UNC5D: variants seen among roughly 807,000 people sequenced by gnomAD.
The protein encoded by UNC5D is unc-5 netrin receptor D, also known as netrin receptor UNC5D.
In UNC5D, 39 loss-of-function variants were observed where a neutral mutation model predicts 105.4. The observed-to-expected ratio is 0.37, with a 90% CI of 0.29 to 0.48. The LOEUF (loss-of-function observed/expected upper bound fraction) is 0.48, where lower values mean the gene tolerates loss of function less well. Among genes scored for constraint, UNC5D ranks in the 20% least tolerant of loss-of-function variants. UNC5D has a pLI of 0.98. For synonymous variants in UNC5D, 452 were observed against 450.4 expected, an observed-to-expected ratio of 1.00 and a Z score of -0.04; for missense variants, 991 against 1,202.4, an observed-to-expected ratio of 0.82 and a Z score of 2.60.
intron 1 of UNC5D, among the ~76,000 whole-genome samples, chr8:35,453,035 G>A (rs1382815551): frequency 6.6e-6 from 1 of 152,174 alleles, no homozygotes; most frequent in Non-Finnish European, 1.5e-5. Flanking sequence ...CATTTGTCCT[G>A]CAGGCTTCTA....
Position 35,444,720 on chromosome 8 carries a change from C to T in UNC5D, c.104-104572C>T, listed in dbSNP as rs577797417. ...TCCACTGTCCACCCTGAATTGAAGA[C>T]TCTTTGACTCCTAGGTTTCTATTAT... On this transcript the variant is annotated intron_variant, in intron 1 of 16. Transcript: ENST00000404895. Among the ~76,000 whole-genome samples the T allele has an allele frequency of 2.4e-4, 36 of 152,096 alleles. No individual in the cohort carries two copies. The South Asian group carries it at 6.8e-3, about 29-fold the overall frequency.
At chr8:35,248,751 A>G (rs1220710425) in intron 1 of UNC5D, among the ~76,000 whole-genome samples, 1 of 98,940 alleles carries the variant, frequency 1.0e-5, no homozygotes, top group African/African-American at 4.3e-5. Context: ...TATAAAATAT[A>G]TAAATATATA....
intron 1 of UNC5D, among the ~76,000 whole-genome samples, chr8:35,435,647 A>G (rs1321496054): frequency 6.6e-6 from 1 of 152,156 alleles, no homozygotes; most frequent in African/African-American, 2.4e-5. Context: ...ATAACTCATA[A>G]GGGCCAAAGA....
intron 4 of UNC5D, among the ~76,000 whole-genome samples, chr8:35,615,740 T>G (rs1202008458): frequency 6.6e-6 from 1 of 152,186 alleles, no homozygotes; most frequent in Non-Finnish European, 1.5e-5. Flanking sequence ...GGATAGGAAA[T>G]GCACAGTATA....
intron 1 of UNC5D, among the ~76,000 whole-genome samples, chr8:35,490,913 T>C (rs1347754695): frequency 6.6e-6 from 1 of 152,176 alleles, no homozygotes; most frequent in Non-Finnish European, 1.5e-5. Context: ...TCTGGTCTTT[T>C]CTTTTTTTCA....
chr8:35,437,769 G>A (rs990920816), intron 1 of UNC5D, among the ~76,000 whole-genome samples: 10 of 151,930 alleles, frequency 6.6e-5, no homozygotes, highest in Non-Finnish European at 1.3e-4. Flanking sequence ...TTGGATTACA[G>A]TGTCCCTTTT....
chr8:35,404,754 AT>A (rs1484556846), intron 1 of UNC5D, among the ~76,000 whole-genome samples: 1 of 151,876 alleles, frequency 6.6e-6, no homozygotes, highest in Non-Finnish European at 1.5e-5. Flanking sequence ...CTCCTGGCTA[AT>A]TTTTTTGTAT....
intron 1 of UNC5D, among the ~76,000 whole-genome samples, chr8:35,310,896 T>C (rs1808826669): frequency 6.6e-6 from 1 of 152,084 alleles, no homozygotes; most frequent in Admixed American, 6.6e-5. Context: ...CACAGTTGGG[T>C]CCATATGATG....
intron 1 of UNC5D, among the ~76,000 whole-genome samples, chr8:35,315,114 GTTATAA>G (rs1055585087): frequency 2.6e-5 from 4 of 152,066 alleles, no homozygotes; most frequent in Non-Finnish European, 5.9e-5. Context: ...AGGCAACTGA[GTTATAA>G]TTATAACAGC....
intron 1 of UNC5D, among the ~76,000 whole-genome samples, chr8:35,438,327 T>G (rs999627639): frequency 2.6e-5 from 4 of 152,076 alleles, no homozygotes; most frequent in African/African-American, 9.7e-5. Flanking sequence ...TTTAAATGAA[T>G]GTGAAAATTT....
Position 35,300,220 on chromosome 8 carries a change from G to A in UNC5D, c.103+64333G>A, listed in dbSNP as rs146772266. 3.1e-3 allele frequency among the ~76,000 whole-genome samples: 465 copies of A among 151,884 alleles called. 2 individuals carry two copies. Among genetic ancestry groups the A allele is most frequent in the African/African-American group, 0.011 (441 of 41,414 alleles). ...CCCAGCATTTTGAGAAGCCAAGGTG[G>A]GCACATCACCTGAGGTCAGGAGTTC... On this transcript the variant is annotated intron_variant, in intron 1 of 16. Transcript: ENST00000404895.
chr8:35,363,388 A>G (rs559360601), intron 1 of UNC5D, among the ~76,000 whole-genome samples: 3 of 152,184 alleles, frequency 2.0e-5, no homozygotes, highest in African/African-American at 7.2e-5. Flanking sequence ...TATGGGGAAA[A>G]CCACCCCCAT....
chr8:35,496,411 C>T (rs545800823), intron 1 of UNC5D, among the ~76,000 whole-genome samples: 1 of 152,238 alleles, frequency 6.6e-6, no homozygotes, highest in East Asian at 1.9e-4. Flanking sequence ...GGTGTCATAA[C>T]TGATGGGACA....
intron 4 of UNC5D, among the ~76,000 whole-genome samples, chr8:35,600,836 G>A (rs1819824975): frequency 6.6e-6 from 1 of 152,084 alleles, no homozygotes; most frequent in South Asian, 2.1e-4. Flanking sequence ...GTCTTTTGTT[G>A]CCATTGCTTT....
intron 8 of UNC5D, among the ~76,000 whole-genome samples, chr8:35,717,366 GT>G (rs1828312445): frequency 6.6e-6 from 1 of 152,140 alleles, no homozygotes; most frequent in African/African-American, 2.4e-5. Flanking sequence ...TTAGAGGGGA[GT>G]TATGTAAAGA....
At chr8:35,296,090 C>T (rs975170868) in intron 1 of UNC5D, among the ~76,000 whole-genome samples, 7 of 152,100 alleles carry the variant, frequency 4.6e-5, no homozygotes, top group Non-Finnish European at 7.4e-5. Context: ...GAGTTTTTTC[C>T]GCATATTGGC....
intron 1 of UNC5D, among the ~76,000 whole-genome samples, chr8:35,322,042 T>C (rs1265422098): frequency 5.9e-5 from 9 of 152,184 alleles, no homozygotes; most frequent in Non-Finnish European, 1.2e-4. Flanking sequence ...CCCAGTGACT[T>C]GAACATAGTA....
intron 1 of UNC5D, among the ~76,000 whole-genome samples, chr8:35,542,170 C>T (rs6992105): frequency 0.16 from 23,802 of 152,114 alleles, 2,383 homozygotes; most frequent in Admixed American, 0.25. Flanking sequence ...GAAACTTTTA[C>T]TGGGGCCTGG....
chr8:35,408,288 A>G (rs1804937600), intron 1 of UNC5D, among the ~76,000 whole-genome samples: 1 of 151,860 alleles, frequency 6.6e-6, no homozygotes, highest in Non-Finnish European at 1.5e-5. Context: ...TTTTATAATT[A>G]TGCTCCTGAA....
Sources: gnomAD v4.1 joint callset for allele counts (sites outside exome capture counted in the v4.1 genomes callset) on GRCh38, gnomAD v4.1.1 for gene constraint, MANE v1.5 for transcripts, NCBI Gene and HGNC (gene_info 2026-07-23, HGNC 2026-07-21) for gene names.